Variants in CDH13 observed in about 807,000 individuals in gnomAD.
The protein encoded by CDH13 is cadherin 13, also known as cadherin-13.
In CDH13, 24 loss-of-function variants were observed where a neutral mutation model predicts 63.8. The ratio of observed to expected loss-of-function variants is 0.38; its 90% CI spans 0.27 to 0.53. The LOEUF is 0.53. CDH13 is among the 20% of genes least tolerant of loss of function. The pLI, the probability that CDH13 is intolerant of heterozygous loss-of-function variation, is 0.85. For synonymous variants in CDH13, 503 were observed against 355.3 expected, an observed-to-expected ratio of 1.42 and a Z score of -4.67; for missense variants, 1,049 against 903.1, an observed-to-expected ratio of 1.16 and a Z score of -2.07.
intron 3 of CDH13, among the ~76,000 whole-genome samples, chr16:83,039,971 C>T (rs1221230558): frequency 1.3e-5 from 2 of 151,858 alleles, no homozygotes; most frequent in Non-Finnish European, 2.9e-5. Context: ...TCTCCAGGCT[C>T]CTGTAGACAC....
chr16:83,596,712 A>G (rs1285243431), intron 7 of CDH13, among the ~76,000 whole-genome samples: 1 of 152,130 alleles, frequency 6.6e-6, no homozygotes, highest in Non-Finnish European at 1.5e-5. Flanking sequence ...GGCAAGTGGA[A>G]GGTATTCTGA....
chr16:82,837,171 G>A (rs933403039), intron 1 of CDH13, among the ~76,000 whole-genome samples: 2 of 152,230 alleles, frequency 1.3e-5, no homozygotes, highest in Non-Finnish European at 2.9e-5. Context: ...GGAAGTGGGA[G>A]TTAGGCCACG....
At chr16:83,460,061 A>T (rs1290662241) in intron 6 of CDH13, among the ~76,000 whole-genome samples, 1 of 152,174 alleles carries the variant, frequency 6.6e-6, no homozygotes, top group African/African-American at 2.4e-5. Context: ...AAACTCAATA[A>T]GATAGCAAAA....
intron 1 of CDH13, among the ~76,000 whole-genome samples, chr16:82,856,693 C>CAAAAAAAAAAA (rs56106728): frequency 2.0e-5 from 1 of 49,554 alleles, no homozygotes; most frequent in Non-Finnish European, 3.3e-5. Flanking sequence ...GACTCGGTCT[C>CAAAAAAAAAAA]AAAAAAAAAA....
chr16:83,535,288 C>A (rs1041920347), intron 7 of CDH13, among the ~76,000 whole-genome samples: 1 of 152,188 alleles, frequency 6.6e-6, no homozygotes, highest in Non-Finnish European at 1.5e-5. Context: ...AAATTAAGGA[C>A]TTGGGTCAGC....
intron 4 of CDH13, among the ~76,000 whole-genome samples, chr16:83,180,400 A>G (rs2038302279): frequency 6.6e-6 from 1 of 152,138 alleles, no homozygotes; most frequent in Admixed American, 6.5e-5. Context: ...AACTATCCTA[A>G]TATGGATTAT....
At chr16:83,774,800 G>C (rs985401110) in intron 11 of CDH13, among the ~76,000 whole-genome samples, 4 of 152,184 alleles carry the variant, frequency 2.6e-5, no homozygotes, top group African/African-American at 9.7e-5. Flanking sequence ...ATGGGGACTT[G>C]GTGTTTAATG....
intron 8 of CDH13, among the ~76,000 whole-genome samples, chr16:83,610,955 T>C (rs1469389191): frequency 2.0e-5 from 3 of 152,206 alleles, no homozygotes; most frequent in Non-Finnish European, 4.4e-5. Flanking sequence ...ACATTTGGTT[T>C]TATCAGTTTT....
intron 6 of CDH13, among the ~76,000 whole-genome samples, chr16:83,430,715 A>G (rs1204020257): frequency 6.6e-6 from 1 of 152,178 alleles, no homozygotes; most frequent in Non-Finnish European, 1.5e-5. Flanking sequence ...AATTATTCCT[A>G]TAGTTTCACC....
At chr16:83,277,891 G>A (rs567788619) in intron 5 of CDH13, among the ~76,000 whole-genome samples, 1 of 152,156 alleles carries the variant, frequency 6.6e-6, no homozygotes, top group East Asian at 1.9e-4. Flanking sequence ...TGAGAAGTTT[G>A]TTTGCTATTG....
chr16:83,094,384 T>C (rs1250162325), intron 3 of CDH13, among the ~76,000 whole-genome samples: 1 of 152,094 alleles, frequency 6.6e-6, no homozygotes, highest in Non-Finnish European at 1.5e-5. Flanking sequence ...CAAGGTTGGA[T>C]AGAGAGAGAA....
intron 10 of CDH13, among the ~76,000 whole-genome samples, chr16:83,700,583 A>G (rs1252225029): frequency 6.6e-6 from 1 of 152,212 alleles, no homozygotes; most frequent in Admixed American, 6.5e-5. Context: ...AAAAGTTGCA[A>G]CAGGTGTACA....
chr16:83,193,403 G>A (rs1241756130), intron 4 of CDH13, among the ~76,000 whole-genome samples: 4 of 152,156 alleles, frequency 2.6e-5, no homozygotes, highest in Admixed American at 6.5e-5. Flanking sequence ...CATGCCAGTT[G>A]CGAGCCCCAA....
chr16:83,234,787 CTG>C (rs2040097483), intron 5 of CDH13, among the ~76,000 whole-genome samples: 1 of 152,250 alleles, frequency 6.6e-6, no homozygotes, highest in Non-Finnish European at 1.5e-5. Context: ...TGTGGAGAAA[CTG>C]AGCTTAGGAA....
chr16:83,226,445 C>T (rs569050311), intron 5 of CDH13, among the ~76,000 whole-genome samples: 54 of 152,310 alleles, frequency 3.5e-4, no homozygotes, highest in Admixed American at 1.5e-3. Flanking sequence ...GGTGGGAGAA[C>T]CCCACATTCC....
At chr16:82,893,816 T>G (rs993020208) in intron 2 of CDH13, among the ~76,000 whole-genome samples, 1 of 152,116 alleles carries the variant, frequency 6.6e-6, no homozygotes, top group Non-Finnish European at 1.5e-5. Context: ...CTCGAGACAC[T>G]TGCCTTCTTT....
chr16:83,553,268 CTG>C (rs1229177180), intron 7 of CDH13, among the ~76,000 whole-genome samples: 3 of 152,080 alleles, frequency 2.0e-5, no homozygotes, highest in African/African-American at 7.2e-5. Flanking sequence ...AATAAATAAA[CTG>C]TTTTTATATG....
At position 82,815,838 on chromosome 16, in the gene CDH13, C is replaced by T. The variant is rs558394058; in HGVS notation, c.46-42524C>T. On this transcript the variant is annotated intron_variant, in intron 1 of 13. Coordinates refer to ENST00000567109, the MANE Select transcript of CDH13 (RefSeq NM_001257.5). ...TCAATGCATTATATTCCAGATAGTTCACGGATGCTTTTAATTTAATTATAG... is the reference window on the plus strand; with the variant it reads ...TCAATGCATTATATTCCAGATAGTTTACGGATGCTTTTAATTTAATTATAG... Among the ~76,000 whole-genome samples, 14 of 152,222 alleles carry T rather than the reference C, an allele frequency of 9.2e-5. No individual in the cohort carries two copies. In the East Asian group the frequency reaches 2.1e-3, roughly 23 times the overall value.
intron 1 of CDH13, among the ~76,000 whole-genome samples, chr16:82,660,197 C>T (rs1911770802): frequency 6.6e-6 from 1 of 152,070 alleles, no homozygotes; most frequent in Admixed American, 6.5e-5. Flanking sequence ...TCACGGGAAC[C>T]AGGGAATCTC....
Sources: gnomAD v4.1 joint callset for allele counts (sites outside exome capture counted in the v4.1 genomes callset) on GRCh38, gnomAD v4.1.1 for gene constraint, MANE v1.5 for transcripts, NCBI Gene and HGNC (gene_info 2026-07-23, HGNC 2026-07-21) for gene names.